TNFSF13B: variants seen among roughly 807,000 people sequenced by gnomAD.
The protein encoded by TNFSF13B is tumor necrosis factor ligand superfamily member 13B.
In TNFSF13B, 8 loss-of-function variants were observed where a neutral mutation model predicts 29.1. The ratio of observed to expected loss-of-function variants is 0.27; its 90% confidence interval spans 0.16 to 0.50. The LOEUF (loss-of-function observed/expected upper bound fraction) is 0.50, where lower values mean the gene tolerates loss of function less well. Among genes scored for constraint, TNFSF13B ranks in the 20% least tolerant of loss-of-function variants. The pLI, the probability that TNFSF13B is intolerant of heterozygous loss-of-function variation, is 0.98. For missense variants in TNFSF13B, 248 were observed against 334.9 expected, an observed-to-expected ratio of 0.74 and a Z score of 2.03; for synonymous variants, 125 against 130.8, an observed-to-expected ratio of 0.96 and a Z score of 0.30.
At chr13:108,294,002 A>G (rs1450849920) in intron 3 of TNFSF13B, among the ~76,000 whole-genome samples, 2 of 152,226 alleles carry the variant, frequency 1.3e-5, no homozygotes, top group Non-Finnish European at 2.9e-5. Context: ...ATTTTGGGTG[A>G]CAGAAATATT....
intron 2 of TNFSF13B, among the ~76,000 whole-genome samples, chr13:108,277,555 C>G (rs181687280): frequency 5.3e-5 from 8 of 152,098 alleles, no homozygotes; most frequent in Non-Finnish European, 2.9e-5. Context: ...AGAAAAAATT[C>G]GGGGCGAATC....
chr13:108,276,076 G>A (rs1880755007), intron 2 of TNFSF13B, among the ~76,000 whole-genome samples: 1 of 152,194 alleles, frequency 6.6e-6, no homozygotes, highest in Non-Finnish European at 1.5e-5. Context: ...TGTTTGACAA[G>A]TCTGTAATGT....
intron 3 of TNFSF13B, among the ~76,000 whole-genome samples, chr13:108,295,121 G>T (rs926816025): frequency 2.1e-5 from 3 of 145,126 alleles, no homozygotes; most frequent in African/African-American, 7.8e-5. Context: ...GTAGCTCAAT[G>T]ATTGTCATTT....
chr13:108,289,113 T>C (rs993799752), intron 3 of TNFSF13B, among the ~76,000 whole-genome samples: 1 of 152,142 alleles, frequency 6.6e-6, no homozygotes, highest in Non-Finnish European at 1.5e-5. Context: ...AGGGCCAAAG[T>C]TACAGTTTTT....
intron 5 of TNFSF13B, among the ~76,000 whole-genome samples, chr13:108,305,014 C>A (rs758073013): frequency 6.6e-6 from 1 of 152,022 alleles, no homozygotes; most frequent in African/African-American, 2.4e-5. Context: ...CTCTTTAAAA[C>A]GTTTTTCTAA....
At chr13:108,287,315 A>G (rs1030120201) in intron 3 of TNFSF13B, among the ~76,000 whole-genome samples, 2 of 152,180 alleles carry the variant, frequency 1.3e-5, no homozygotes, top group African/African-American at 2.4e-5. Flanking sequence ...CTTAGAATTC[A>G]GTCCACTCCA....
At chr13:108,290,673 A>AT (rs1881280130) in intron 3 of TNFSF13B, among the ~76,000 whole-genome samples, 1 of 151,786 alleles carries the variant, frequency 6.6e-6, no homozygotes, top group African/African-American at 2.4e-5. Flanking sequence ...TGAGCACCTT[A>AT]TATCTCAAGC....
At chr13:108,301,071 A>G (rs1039871558) in intron 3 of TNFSF13B, 4 of 152,224 alleles carry the variant, frequency 2.6e-5, no homozygotes, top group African/African-American at 4.8e-5. Context: ...TTCTTATTTT[A>G]TATTCTTCCC....
chr13:108,287,092 G>A (rs1881161930), intron 3 of TNFSF13B, among the ~76,000 whole-genome samples: 1 of 142,964 alleles, frequency 7.0e-6, no homozygotes, highest in Non-Finnish European at 1.5e-5. Context: ...GATACAGGAA[G>A]GGGAACATCA....
chr13:108,278,759 G>A (rs1463276367), intron 2 of TNFSF13B, among the ~76,000 whole-genome samples: 1 of 72,512 alleles, frequency 1.4e-5, no homozygotes, highest in African/African-American at 4.7e-5. Flanking sequence ...AGACAGGGAA[G>A]GGTAAGAGAA....
chr13:108,302,841 CA>C, intron 3 of TNFSF13B: 1 of 986,890 alleles, frequency 1.0e-6, no homozygotes, highest in Non-Finnish European at 1.2e-6. Context: ...AACATTTTGC[CA>C]AACTCTTCAG....
In TNFSF13B at chr13:108,280,934, C is replaced by T. The variant is rs556727757; in HGVS notation, c.425-5869C>T. Reference sequence around the variant, plus strand: ...GGCGTGGTACCTCGGCCTCTAATGCCGAGGTATTTAGAGGTATTAGAGGTA... The same window carrying T: ...GGCGTGGTACCTCGGCCTCTAATGCTGAGGTATTTAGAGGTATTAGAGGTA... On this transcript the variant is annotated intron_variant, in intron 2 of 5. Transcript: ENST00000375887. 3.9e-5 allele frequency among the ~76,000 whole-genome samples: 6 copies of T among 152,118 alleles called. No homozygotes were observed. The South Asian group carries it at 6.2e-4, about 16-fold the overall frequency.
chr13:108,289,862 G>C (rs1176910686), intron 3 of TNFSF13B, among the ~76,000 whole-genome samples: 1 of 151,802 alleles, frequency 6.6e-6, no homozygotes. Flanking sequence ...GACAAGAGGG[G>C]TTTATCAGAG....
At chr13:108,295,679 T>C (rs1881442907) in intron 3 of TNFSF13B, among the ~76,000 whole-genome samples, 1 of 146,014 alleles carries the variant, frequency 6.8e-6, no homozygotes, top group African/African-American at 2.6e-5. Flanking sequence ...AGTTGTACAT[T>C]TCTTTCTGAG....
In TNFSF13B at chr13:108,296,302, CT is replaced by C; in HGVS notation, c.482-6949del. Among the ~76,000 whole-genome samples, 2 of 145,698 alleles carry C rather than the reference CT, an allele frequency of 1.4e-5. 1 individual carries two copies. The highest frequency in any genetic ancestry group is 3.1e-5 in the Non-Finnish European group (2 of 65,468). On this transcript the variant is annotated intron_variant, in intron 3 of 5. Transcript: ENST00000375887. ...GTGATGTTTATAATTATTAGGTATT[CT>C]TGATACATTGACTCTGTTATCAATA...
chr13:108,305,864 G>T (rs935006314), intron 5 of TNFSF13B, among the ~76,000 whole-genome samples: 2 of 152,016 alleles, frequency 1.3e-5, no homozygotes, highest in Admixed American at 1.3e-4. Context: ...TGCATGCTTT[G>T]GGCTTTAGGT....
chr13:108,298,288 A>T (rs1881511473), intron 3 of TNFSF13B, among the ~76,000 whole-genome samples: 1 of 145,330 alleles, frequency 6.9e-6, no homozygotes, highest in Admixed American at 6.8e-5. Context: ...AAATGAAGTT[A>T]AAAAAGAATA....
At chr13:108,284,564 T>C (rs1881068975) in intron 2 of TNFSF13B, among the ~76,000 whole-genome samples, 1 of 152,212 alleles carries the variant, frequency 6.6e-6, no homozygotes, top group Non-Finnish European at 1.5e-5. Flanking sequence ...ATAGTCAAGA[T>C]TTATTTATTT....
chr13:108,281,431 A>G (rs1880951867), intron 2 of TNFSF13B, among the ~76,000 whole-genome samples: 1 of 152,132 alleles, frequency 6.6e-6, no homozygotes, highest in African/African-American at 2.4e-5. Flanking sequence ...AAAATTAAAA[A>G]CTATTGGTCA....
Sources: allele counts gnomAD v4.1 joint callset (sites outside exome capture counted in the v4.1 genomes callset), GRCh38; gene constraint gnomAD v4.1.1; transcripts MANE v1.5; gene names NCBI Gene and HGNC (gene_info 2026-07-23, HGNC 2026-07-21).